Variants in THSD7B observed in about 807,000 individuals in gnomAD.
The protein encoded by THSD7B is thrombospondin type-1 domain-containing protein 7B.
In THSD7B, 138 loss-of-function variants were observed where a neutral mutation model predicts 213.6. The observed-to-expected ratio is 0.65, with a 90% CI of 0.56 to 0.74. THSD7B has a LOEUF of 0.74. THSD7B is among the 30% of genes least tolerant of loss of function. THSD7B has a pLI of 0.00. For synonymous variants in THSD7B, 742 were observed against 687.0 expected (o/e 1.08, Z -1.25); for missense variants, 1,931 against 1,991.5 (o/e 0.97, Z 0.58).
intron 12 of THSD7B, among the ~76,000 whole-genome samples, chr2:137,281,437 T>C (rs1479696214): frequency 2.0e-5 from 3 of 152,074 alleles, no homozygotes; most frequent in Non-Finnish European, 2.9e-5. Flanking sequence ...CTTTAAGTTT[T>C]AGGGTACATG....
At chr2:137,578,156 G>A (rs2105241879) in intron 17 of THSD7B, among the ~76,000 whole-genome samples, 1 of 152,310 alleles carries the variant, frequency 6.6e-6, no homozygotes, top group South Asian at 2.1e-4. Flanking sequence ...TCTGAATGGT[G>A]ATGAAAGGAA....
chr2:137,107,902 T>G (rs1480059807), intron 4 of THSD7B, among the ~76,000 whole-genome samples: 1 of 152,222 alleles, frequency 6.6e-6, no homozygotes, highest in Non-Finnish European at 1.5e-5. Flanking sequence ...GAGCATAAAA[T>G]GTATAAAGCT....
At chr2:137,262,059 G>A (rs1682464280) in intron 10 of THSD7B, among the ~76,000 whole-genome samples, 1 of 152,134 alleles carries the variant, frequency 6.6e-6, no homozygotes, top group Non-Finnish European at 1.5e-5. Context: ...GGACCCAGTG[G>A]TGCTATCTGT....
At chr2:136,954,708 C>T (rs1685094820) in intron 2 of THSD7B, among the ~76,000 whole-genome samples, 2 of 87,584 alleles carry the variant, frequency 2.3e-5, no homozygotes, top group Non-Finnish European at 2.1e-5. Context: ...CAGTGAGACT[C>T]TGTCTCAAAA....
At chr2:136,997,269 G>A (rs1486168109) in intron 2 of THSD7B, among the ~76,000 whole-genome samples, 2 of 151,598 alleles carry the variant, frequency 1.3e-5, no homozygotes, top group Admixed American at 1.3e-4. Flanking sequence ...TTCATCTTTA[G>A]TCAAAATCCT....
intron 14 of THSD7B, among the ~76,000 whole-genome samples, chr2:137,419,198 A>G (rs1221712687): frequency 6.6e-6 from 1 of 151,502 alleles, no homozygotes; most frequent in Non-Finnish European, 1.5e-5. Flanking sequence ...ATGAACCACC[A>G]TGCCCAGCTA....
intron 7 of THSD7B, among the ~76,000 whole-genome samples, chr2:137,193,039 C>T (rs570044181): frequency 2.0e-5 from 3 of 152,122 alleles, no homozygotes; most frequent in East Asian, 3.9e-4. Context: ...TGTGCACTAA[C>T]TGTGGAAACA....
intron 2 of THSD7B, among the ~76,000 whole-genome samples, chr2:137,001,023 T>C (rs1685989241): frequency 6.6e-6 from 1 of 152,150 alleles, no homozygotes; most frequent in African/African-American, 2.4e-5. Context: ...ATGTTTACAT[T>C]ACAGAATAAA....
At chr2:137,383,665 T>A (rs1015442693) in intron 12 of THSD7B, among the ~76,000 whole-genome samples, 1 of 152,154 alleles carries the variant, frequency 6.6e-6, no homozygotes, top group African/African-American at 2.4e-5. Context: ...CTATTGCCTG[T>A]AAAATGTATA....
At chr2:136,800,071 A>G (rs933800815) in intron 1 of THSD7B, among the ~76,000 whole-genome samples, 2 of 152,030 alleles carry the variant, frequency 1.3e-5, no homozygotes, top group Admixed American at 6.6e-5. Context: ...GCTTTATAGA[A>G]AATTGATTTC....
intron 3 of THSD7B, among the ~76,000 whole-genome samples, chr2:137,074,963 G>T (rs34298025): frequency 0.097 from 14,777 of 152,164 alleles, 987 homozygotes; most frequent in African/African-American, 0.19. Flanking sequence ...CAGCTGTTAG[G>T]CTGATGGGCT....
At chr2:137,463,533 C>A (rs1033726395) in intron 15 of THSD7B, among the ~76,000 whole-genome samples, 3 of 151,978 alleles carry the variant, frequency 2.0e-5, no homozygotes, top group Non-Finnish European at 4.4e-5. Flanking sequence ...CCTTCTGTGG[C>A]TTTTCTTTCT....
chr2:137,645,448 CTG>C (rs1045034700), intron 21 of THSD7B, among the ~76,000 whole-genome samples: 1 of 152,142 alleles, frequency 6.6e-6, no homozygotes, highest in African/African-American at 2.4e-5. Context: ...AATCTCTTGA[CTG>C]TGGATGAGTG....
At position 137,311,482 on chromosome 2, in the gene THSD7B, T is replaced by C. The variant is rs529918864; in HGVS notation, c.2500+35456T>C. On this transcript the variant is annotated intron_variant, in intron 12 of 27. Coordinates refer to ENST00000409968, the MANE Select transcript of THSD7B (RefSeq NM_001316349.2). ...ACAATTTGACTTCCTCTTTTCCTAATTGAATACCCTTTATTTCCTTCTCCT... is the reference window on the plus strand; with the variant it reads ...ACAATTTGACTTCCTCTTTTCCTAACTGAATACCCTTTATTTCCTTCTCCT... 1.2e-4 allele frequency among the ~76,000 whole-genome samples: 18 copies of C among 152,244 alleles called. 1 individual carries two copies. The South Asian group carries it at 3.4e-3, about 29-fold the overall frequency.
chr2:136,956,913 C>G (rs1031336733), intron 2 of THSD7B, among the ~76,000 whole-genome samples: 2 of 151,982 alleles, frequency 1.3e-5, no homozygotes, highest in Non-Finnish European at 2.9e-5. Context: ...CTTCTGATCT[C>G]GTGATCTGCC....
intron 10 of THSD7B, among the ~76,000 whole-genome samples, chr2:137,245,043 C>T (rs1473505885): frequency 6.6e-6 from 1 of 152,076 alleles, no homozygotes; most frequent in Non-Finnish European, 1.5e-5. Flanking sequence ...AGCTAGGGCC[C>T]CCTGAATGGT....
intron 15 of THSD7B, among the ~76,000 whole-genome samples, chr2:137,537,300 G>A (rs1415749874): frequency 1.3e-5 from 2 of 151,768 alleles, no homozygotes; most frequent in African/African-American, 4.8e-5. Context: ...TTTCCCTGAT[G>A]TCAGGAATTT....
chr2:137,258,796 C>T (rs1013706772), intron 10 of THSD7B, among the ~76,000 whole-genome samples: 2 of 151,826 alleles, frequency 1.3e-5, no homozygotes, highest in Non-Finnish European at 2.9e-5. Flanking sequence ...TTAAGCCCCG[C>T]ATGCATTAGG....
At chr2:136,805,135 T>C (rs1682260139) in intron 1 of THSD7B, among the ~76,000 whole-genome samples, 3 of 152,210 alleles carry the variant, frequency 2.0e-5, no homozygotes, top group Admixed American at 2.0e-4. Flanking sequence ...CAGTTCTTAT[T>C]TTTATTGCAG....
Sources: gnomAD v4.1 joint callset for allele counts (sites outside exome capture counted in the v4.1 genomes callset) on GRCh38, gnomAD v4.1.1 for gene constraint, MANE v1.5 for transcripts, NCBI Gene and HGNC (gene_info 2026-07-23, HGNC 2026-07-21) for gene names.